The following CDC23 variants were observed in gnomAD, a reference collection of about 807,000 sequenced individuals.
The protein encoded by CDC23 is cell division cycle protein 23 homolog.
Under a neutral mutation model 81.7 loss-of-function variants are expected in CDC23, and 26 were observed. That is an observed-to-expected ratio of 0.32 (90% CI 0.23 to 0.44). The LOEUF (loss-of-function observed/expected upper bound fraction) is 0.44, where lower values mean the gene tolerates loss of function less well. Among genes scored for constraint, CDC23 ranks in the 20% least tolerant of loss-of-function variants. CDC23 has a pLI of 1.00. For missense variants in CDC23, 519 were observed against 728.0 expected, an observed-to-expected ratio of 0.71 and a Z score of 3.30; for synonymous variants, 267 against 270.8, an observed-to-expected ratio of 0.99 and a Z score of 0.14.
intron 9 of CDC23, among the ~76,000 whole-genome samples, chr5:138,195,677 CATATATACATATAATATATAT>C: frequency 1.0e-5 from 1 of 99,740 alleles, no homozygotes; most frequent in Non-Finnish European, 1.9e-5. Flanking sequence ...TTTATATATG[CATATATACATATAATATATAT>C]GCATATATAC....
chr5:138,198,012 G>A (rs1168018068), intron 9 of CDC23, among the ~76,000 whole-genome samples, 187 bp downstream of exon 9: 2 of 152,142 alleles, frequency 1.3e-5, no homozygotes, highest in African/African-American at 4.8e-5. Flanking sequence ...GCCCTGGAGT[G>A]CAGTGACATG....
At chr5:138,193,622 A>G (rs897879811) in intron 9 of CDC23, among the ~76,000 whole-genome samples, 1 of 150,258 alleles carries the variant, frequency 6.7e-6, no homozygotes, top group Non-Finnish European at 1.5e-5. Flanking sequence ...AAGAGGTATG[A>G]TTCTGTCTCA....
chr5:138,195,657 A>G (rs1345815737), intron 9 of CDC23, among the ~76,000 whole-genome samples: 1 of 117,336 alleles, frequency 8.5e-6, no homozygotes, highest in Non-Finnish European at 1.7e-5. Context: ...TATATATTAT[A>G]TACATATATT....
intron 4 of CDC23, 59 bp downstream of exon 4, chr5:138,202,053 AG>A: frequency 8.6e-7 from 1 of 1,169,066 alleles, no homozygotes; most frequent in Non-Finnish European, 1.3e-6. Context: ...TGGCTGTTGG[AG>A]GCATTTAAGT....
intron 9 of CDC23, among the ~76,000 whole-genome samples, chr5:138,195,552 A>G (rs1383598388): frequency 4.6e-5 from 5 of 107,640 alleles, no homozygotes; most frequent in African/African-American, 1.7e-4. Context: ...ATATAATATA[A>G]TTATATATAA....
At chr5:138,193,894 G>A (rs541415205) in intron 9 of CDC23, among the ~76,000 whole-genome samples, 2 of 151,764 alleles carry the variant, frequency 1.3e-5, no homozygotes, top group East Asian at 3.9e-4. Flanking sequence ...GGAGGCAGAG[G>A]TTGCGGTGAG....
At chr5:138,205,948 T>C (rs1225470670) in intron 3 of CDC23, 1 of 152,168 alleles carries the variant, frequency 6.6e-6, no homozygotes, top group African/African-American at 2.4e-5. Context: ...AAATCTGAAA[T>C]CTGAAACACT....
At chr5:138,206,245 C>T in intron 3 of CDC23, 1 of 455,936 alleles carries the variant, frequency 2.2e-6, no homozygotes, top group South Asian at 4.8e-5. Flanking sequence ...AAAAGTCAGC[C>T]CAGGCTTTTT....
chr5:138,193,644 C>A lies in CDC23; in HGVS notation c.1013-987G>T, dbSNP rs905208694. Among the ~76,000 whole-genome samples the A allele has an allele frequency of 1.2e-3, 171 of 146,390 alleles. 1 individual carries two copies. The highest frequency in any genetic ancestry group is 3.9e-3 in the African/African-American group (155 of 39,840). ...ATGATTCTGTCTCAAAAAAAAAAAACAGGTACCTCAAGGGTTAAAAAGGTA... is the reference window on the plus strand; with the variant it reads ...ATGATTCTGTCTCAAAAAAAAAAAAAAGGTACCTCAAGGGTTAAAAAGGTA... On this transcript the variant is annotated intron_variant, in intron 9 of 15. Coordinates refer to ENST00000394886, the MANE Select transcript of CDC23 (RefSeq NM_004661.4).
chr5:138,196,649 C>T (rs1430746254), intron 9 of CDC23, among the ~76,000 whole-genome samples: 7 of 142,098 alleles, frequency 4.9e-5, no homozygotes, highest in South Asian at 2.3e-4. Context: ...GGCACGATCT[C>T]GGCTCACTGC....
rs905464475 is a variant in CDC23 at position 138,192,027 on chromosome 5, A to G, written c.1287-90T>C. On this transcript the variant is annotated intron_variant, in intron 11 of 15. Transcript: ENST00000394886. ...ACCAGTACACCACTATTTCAAATCT[A>G]TGCAACAACTGGTCTTTAACCTGAT... 1.5e-5 allele frequency: 17 copies of G among 1,139,714 alleles called. No individual in the cohort carries two copies. In the African/African-American group the frequency reaches 2.5e-4, roughly 17 times the overall value. 70.6% of individuals were successfully genotyped at this position (1,139,714 alleles called of 1,614,324 possible). A position where few individuals can be genotyped will look rare whatever the true frequency, so the allele number is the denominator to read the frequency against.
intron 3 of CDC23, among the ~76,000 whole-genome samples, chr5:138,204,869 A>C (rs1226751742): frequency 2.0e-5 from 3 of 149,950 alleles, no homozygotes; most frequent in Non-Finnish European, 4.4e-5. Flanking sequence ...TGCCTCCCAA[A>C]GTGCTGGGAT....
chr5:138,211,576 T>C (rs146646013), intron 2 of CDC23, among the ~76,000 whole-genome samples: 2,681 of 152,022 alleles, frequency 0.018, 92 homozygotes, highest in African/African-American at 0.06. Context: ...GGCAGGAGAA[T>C]TGCTTGAACC....
intron 9 of CDC23, among the ~76,000 whole-genome samples, chr5:138,197,186 G>A (rs1341423921): frequency 1.3e-5 from 2 of 149,470 alleles, no homozygotes; most frequent in East Asian, 4.0e-4. Flanking sequence ...GGCACCTGTA[G>A]TCCCAGCTAC....
intron 13 of CDC23, 107 bp from the exon 14 acceptor site, chr5:138,190,013 C>A: frequency 1.2e-6 from 1 of 824,618 alleles, no homozygotes; most frequent in South Asian, 1.5e-5. Flanking sequence ...AGGTAAGTAT[C>A]AATTTTGACA....
intron 3 of CDC23, among the ~76,000 whole-genome samples, chr5:138,205,133 T>C (rs148738832): frequency 1.1e-3 from 171 of 152,262 alleles, no homozygotes; most frequent in African/African-American, 4.0e-3. Context: ...CGGGCTTCCT[T>C]TTATATTTTA....
Position 138,213,036 on chromosome 5 carries a change from A to G in CDC23, c.189T>C (p.Pro63=), listed in dbSNP as rs1481508910. The G allele has an allele frequency of 6.2e-7, 1 of 1,613,870 alleles. No individual in the cohort carries two copies. The highest frequency in any genetic ancestry group is 8.5e-7 in the Non-Finnish European group (1 of 1,179,904). ...GTTGCAGCTCGGCCAGAGGCAATGC[A>G]GGGAGAGAGAAAGCCAACTCCGCCG... ...KWSAELAFSL[P]ALPLAELQPP... is the part of the protein sequence containing the mutation. The change falls in exon 2 of 16, where the codon CCT becomes CCC. Residue 63 remains proline, a synonymous_variant. Transcript: ENST00000394886.
chr5:138,191,428 G>A, intron 13 of CDC23, 46 bp downstream of exon 13: 1 of 1,554,556 alleles, frequency 6.4e-7, no homozygotes, highest in Non-Finnish European at 8.9e-7. Context: ...CACCATCCCA[G>A]AGAAGCCAAC....
chr5:138,209,006 A>G (rs2126590149), intron 2 of CDC23, among the ~76,000 whole-genome samples: 1 of 152,282 alleles, frequency 6.6e-6, no homozygotes, highest in East Asian at 1.9e-4. Context: ...GCTGGTCTGG[A>G]ACTCCCGGCC....
Sources: gnomAD v4.1 joint callset for allele counts (sites outside exome capture counted in the v4.1 genomes callset) on GRCh38, gnomAD v4.1.1 for gene constraint, MANE v1.5 for transcripts, NCBI Gene and HGNC (gene_info 2026-07-23, HGNC 2026-07-21) for gene names.